Variants in PLEC observed in about 807,000 individuals in gnomAD.
PLEC encodes plectin.
A neutral mutation model predicts 392.8 loss-of-function variants in PLEC; 216 were observed. The observed-to-expected ratio is 0.55, with a 90% CI of 0.49 to 0.62. The LOEUF (loss-of-function observed/expected upper bound fraction) is 0.62. Among genes scored for constraint, PLEC ranks in the 20% least tolerant of loss-of-function variants. The pLI, the probability that PLEC is intolerant of heterozygous loss-of-function variation, is 0.00. For missense variants in PLEC, 6,863 were observed against 6,563.4 expected (o/e 1.05, Z -1.58); for synonymous variants, 3,621 against 2,980.6 (o/e 1.21, Z -7.00).
chr8:143,922,812 G>T lies in PLEC; in HGVS notation c.7117C>A (p.Gln2373Lys). ...TCAGCGCTCATCTCCAGCTGCCGCT[G>T]CCGCTCGGCCTCCAGCGTCCGCTGG... is the stretch of plus-strand genomic sequence containing the variant. Reference protein sequence around the residue: ...GFQRTLEAERQRQLEMSAEAE... With the variant: ...GFQRTLEAERKRQLEMSAEAE... Residue 2373 changes from glutamine to lysine, a missense_variant, in exon 31 of 32, where the codon CAG becomes AAG. Coordinates refer to ENST00000345136, the MANE Select transcript of PLEC (RefSeq NM_201384.3). The T allele has an allele frequency of 6.3e-7, 1 of 1,586,544 alleles. No individual in the cohort carries two copies. Among genetic ancestry groups the T allele is most frequent in the Non-Finnish European group, 8.6e-7 (1 of 1,169,430 alleles).
chr8:143,950,080 C>G (rs1209450995), intron 1 of PLEC: 2 of 1,388,338 alleles, frequency 1.4e-6, no homozygotes, highest in Non-Finnish European at 9.5e-7. Context: ...GCTCCGCAAG[C>G]CGGCTGACCA....
chr8:143,950,412 G>C, exon 1 of PLEC: 1 of 1,607,758 alleles, frequency 6.2e-7, no homozygotes, highest in African/African-American at 1.3e-5. Context: ...CGGCGCACGC[G>C]CTGCAGAGAG....
chr8:143,923,419 A>T lies in PLEC; in HGVS notation c.6510T>A (p.His2170Gln), dbSNP rs375106164. Residue 2170 changes from histidine to glutamine, a missense_variant, in exon 31 of 32, where the codon CAT becomes CAA. Coordinates refer to ENST00000345136, the MANE Select transcript of PLEC (RefSeq NM_201384.3). ...GCAGCGTCTGCTCGGCGAATTTCTT[A>T]TGCTTCTCCATCTCCGCGTCAGCTG... ...KQAADAEMEKHKKFAEQTLRQ... is the reference protein window; with the variant it reads ...KQAADAEMEKQKKFAEQTLRQ... 2.5e-5 allele frequency: 41 copies of T among 1,609,846 alleles called. No individual in the cohort carries two copies. In the South Asian group the frequency reaches 4.2e-4, roughly 16 times the overall value.
At position 143,917,686 on chromosome 8, in the gene PLEC, G is replaced by C; in HGVS notation, c.12135C>G (p.Ala4045=). Residue 4045 remains alanine, a synonymous_variant, in exon 32 of 32, where the codon GCC becomes GCG. Coordinates refer to ENST00000345136, the MANE Select transcript of PLEC (RefSeq NM_201384.3). ...CGATGATGCCGCCCGTGGCGATCTG[G>C]GCCTCCAGCAGGCGGATGCCATGGT... The part of the protein sequence containing the change: ...LKDHGIRLLE[A]QIATGGIIDP... 1 of 1,613,546 alleles carries C rather than the reference G, an allele frequency of 6.2e-7. No homozygotes were observed. The highest frequency in any genetic ancestry group is 1.1e-5 in the South Asian group (1 of 91,078).
At chr8:143,939,254 C>T in intron 1 of PLEC, 96 bp downstream of exon 1, 3 of 1,495,392 alleles carry the variant, frequency 2.0e-6, no homozygotes, top group South Asian at 2.4e-5. Flanking sequence ...GACCAGCCCC[C>T]CAGCGGTGCC....
In PLEC at chr8:143,937,028, T is replaced by C; in HGVS notation, c.386A>G (p.Asn129Ser). Residue 129 changes from asparagine to serine, a missense_variant, in exon 5 of 32, where the codon AAC becomes AGC. Transcript: ENST00000345136. ...NIRNDDIADG[N>S]PKLTLGLIWT... ...GATGAGGCCAAGGGTCAGCTTGGGG[T>C]TGCCGTCAGCGATGTCATCATTCCT... The C allele has an allele frequency of 1.9e-6, 3 of 1,613,036 alleles. No individual in the cohort carries two copies. Among genetic ancestry groups the C allele is most frequent in the Non-Finnish European group, 2.5e-6 (3 of 1,179,824 alleles).
upstream of PLEC, chr8:143,943,692 A>T: frequency 1.6e-6 from 2 of 1,253,964 alleles, no homozygotes; most frequent in Non-Finnish European, 1.1e-6. Context: ...GGAAACAGGA[A>T]GGGGAGGGCG....
upstream of PLEC, among the ~76,000 whole-genome samples, chr8:143,973,947 C>T (rs538292624): frequency 2.6e-5 from 4 of 152,158 alleles, no homozygotes; most frequent in Non-Finnish European, 5.9e-5. The surrounding 1 kb of genome is among the most constrained non-coding windows in gnomAD (Gnocchi z 5.6). Context: ...ACACTACACA[C>T]AAGAAAAATT....
upstream of PLEC, chr8:143,953,578 C>T (rs1832414189): frequency 1.1e-6 from 1 of 879,972 alleles, no homozygotes; most frequent in Non-Finnish European, 1.8e-6. Flanking sequence ...GGGGACGAGT[C>T]TGGGGTCTCC....
Position 143,927,397 on chromosome 8 carries a change from G to GACCC in PLEC, c.3756+9_3756+12dup. On this transcript the variant is annotated intron_variant, in intron 27 of 31. Transcript: ENST00000345136. ...CACGCCCAGCCGCCCCGTCCCCACC[G>GACCC]ACCCAAGCCCACCTGCTCCTGCCGC... The GACCC allele has an allele frequency of 6.2e-7, 1 of 1,607,074 alleles. No individual in the cohort carries two copies. Among genetic ancestry groups the GACCC allele is most frequent in the Non-Finnish European group, 8.5e-7 (1 of 1,179,088 alleles).
At chr8:143,944,348 T>A (rs956584770), upstream of PLEC, among the ~76,000 whole-genome samples, 2 of 152,090 alleles carry the variant, frequency 1.3e-5, no homozygotes, top group South Asian at 2.1e-4. Flanking sequence ...CAGCCCACTC[T>A]GCCTCCAAGG....
At chr8:143,931,768 C>A (rs1338372185) in intron 18 of PLEC, 109 bp from the exon 19 acceptor site, 1 of 1,524,292 alleles carries the variant, frequency 6.6e-7, no homozygotes, top group Non-Finnish European at 8.9e-7. Context: ...AGTGGCAAAG[C>A]CCCCAGGAGG....
At chr8:143,953,935 C>A, upstream of PLEC, 1 of 1,401,006 alleles carries the variant, frequency 7.1e-7, no homozygotes, top group Admixed American at 3.2e-5. Context: ...CGGACAGGGC[C>A]GCCCCGGGCG....
At chr8:143,940,994 C>T (rs1830358926), upstream of PLEC, among the ~76,000 whole-genome samples, 1 of 152,220 alleles carries the variant, frequency 6.6e-6, no homozygotes, top group Non-Finnish European at 1.5e-5. Context: ...CACCAGAAGC[C>T]CCCAAATCAA....
In PLEC at chr8:143,917,223, C is replaced by T. The variant is rs782208179; in HGVS notation, c.12598G>A (p.Gly4200Arg). 1.2e-6 allele frequency: 2 copies of T among 1,612,934 alleles called. No homozygotes were observed. Among genetic ancestry groups the T allele is most frequent in the Admixed American group, 1.7e-5 (1 of 60,016 alleles). Residue 4200 changes from glycine to arginine, a missense_variant, in exon 32 of 32, where the codon GGG (glycine) becomes AGG (arginine). By Grantham distance (125) the Gly-to-Arg change is moderately radical (BLOSUM62 -2). Coordinates refer to ENST00000345136, the MANE Select transcript of PLEC (RefSeq NM_201384.3). ...GCATCATCGATGTCGTACTGGCGCC[C>T]GGAGCGGCGGTCGATGATCATGGAC... The part of the protein sequence containing the change: ...VKSMIIDRRS[G>R]RQYDIDDAIA...
At chr8:143,963,765 C>T (rs1408459372) in intron 1 of PLEC, among the ~76,000 whole-genome samples, 8 of 151,330 alleles carry the variant, frequency 5.3e-5, no homozygotes, top group African/African-American at 1.9e-4. Context: ...ACCTCCACCT[C>T]CTGAGCAGCT....
chr8:143,938,478 T>C (rs1554725634), intron 2 of PLEC, 153 bp downstream of exon 2: 3 of 1,548,490 alleles, frequency 1.9e-6, no homozygotes. Context: ...GGAGCAGGCG[T>C]AGGGAAGAAA....
intron 10 of PLEC, 40 bp from the exon 11 acceptor site, chr8:143,934,485 G>A: frequency 6.2e-7 from 1 of 1,608,310 alleles, no homozygotes; most frequent in Non-Finnish European, 8.5e-7. Context: ...TAGGCAGGGG[G>A]CAGGGGGTGG....
upstream of PLEC, among the ~76,000 whole-genome samples, chr8:143,941,481 G>C (rs1018804503): frequency 5.9e-5 from 9 of 152,098 alleles, no homozygotes; most frequent in African/African-American, 2.2e-4. Context: ...CTCCAGACAC[G>C]GACTCGGGCA....
Sources: allele counts gnomAD v4.1 joint callset (sites outside exome capture counted in the v4.1 genomes callset), GRCh38; gene constraint gnomAD v4.1.1; non-coding constraint Gnocchi (gnomAD v3.1); transcripts MANE v1.5; gene names NCBI Gene and HGNC (gene_info 2026-07-23, HGNC 2026-07-21).